The following SLC25A48 variants were observed in gnomAD, a reference collection of about 807,000 sequenced individuals.
SLC25A48 encodes CTC-321K16.1.
A neutral mutation model predicts 32.2 loss-of-function variants in SLC25A48; 29 were observed. The ratio of observed to expected loss-of-function variants is 0.90; its 90% CI spans 0.67 to 1.23. SLC25A48 has a LOEUF of 1.23. SLC25A48 is among the 50% of genes most tolerant of loss of function. The pLI, the probability that SLC25A48 is intolerant of heterozygous loss-of-function variation, is 0.00. For missense variants in SLC25A48, 399 were observed against 422.7 expected (o/e 0.94, Z 0.49); for synonymous variants, 164 against 172.3 (o/e 0.95, Z 0.38).
chr5:135,742,172 T>A (rs1343827053), intron 3 of SLC25A48, among the ~76,000 whole-genome samples: 1 of 152,206 alleles, frequency 6.6e-6, no homozygotes, highest in Non-Finnish European at 1.5e-5. Context: ...CTCTACCTCC[T>A]GGGCTCCAGT....
chr5:135,730,629 A>T (rs1287873025), intron 3 of SLC25A48, among the ~76,000 whole-genome samples: 6 of 152,246 alleles, frequency 3.9e-5, no homozygotes, highest in African/African-American at 1.4e-4. Context: ...ATGTGGAAGC[A>T]ACTTTGGAAC....
chr5:135,732,766 T>C (rs961581059), intron 3 of SLC25A48, among the ~76,000 whole-genome samples: 3 of 152,066 alleles, frequency 2.0e-5, no homozygotes, highest in East Asian at 1.9e-4. Flanking sequence ...TGGGAAGAGA[T>C]TGATAGGTGG....
intron 1 of SLC25A48, among the ~76,000 whole-genome samples, chr5:135,624,082 GAGCAC>G (rs1752388210): frequency 6.6e-6 from 1 of 152,190 alleles, no homozygotes; most frequent in Non-Finnish European, 1.5e-5. Context: ...TCCATGAAAT[GAGCAC>G]AAAGCCTGGT....
chr5:135,788,743 C>CCCCGCCACGATATGGTT (rs1756927676), intron 3 of SLC25A48, among the ~76,000 whole-genome samples: 1 of 150,112 alleles, frequency 6.7e-6, no homozygotes, highest in African/African-American at 2.5e-5. Context: ...GTACACCCCC[C>CCCCGCCACGATATGGTT]TGCCATACGA....
At chr5:135,747,871 G>A (rs530491356) in intron 3 of SLC25A48, among the ~76,000 whole-genome samples, 1 of 152,298 alleles carries the variant, frequency 6.6e-6, no homozygotes, top group Non-Finnish European at 1.5e-5. Context: ...TTTGGATGAG[G>A]AAACTGAGGC....
intron 6 of SLC25A48, 103 bp downstream of exon 6, chr5:135,874,257 G>C: frequency 3.1e-6 from 4 of 1,302,180 alleles, no homozygotes; most frequent in Non-Finnish European, 4.0e-6. Flanking sequence ...GGAGACCAGG[G>C]GGCTGCTGGT....
At chr5:135,673,888 TATGAGGTAAG>T (rs1753712055) in intron 3 of SLC25A48, among the ~76,000 whole-genome samples, 1 of 151,878 alleles carries the variant, frequency 6.6e-6, no homozygotes, top group African/African-American at 2.4e-5. Flanking sequence ...TTATATATGA[TATGAGGTAAG>T]ATGAGGTAAG....
intron 3 of SLC25A48, among the ~76,000 whole-genome samples, chr5:135,717,014 T>C (rs1754817096): frequency 6.6e-6 from 1 of 152,206 alleles, no homozygotes; most frequent in African/African-American, 2.4e-5. Flanking sequence ...TAGCTAAGAT[T>C]TTTTTTGCAA....
chr5:135,810,687 T>C (rs1464315784), intron 3 of SLC25A48, among the ~76,000 whole-genome samples: 1 of 152,182 alleles, frequency 6.6e-6, no homozygotes, highest in Non-Finnish European at 1.5e-5. Flanking sequence ...GTATTTTATA[T>C]TGCAAGTCCC....
At chr5:135,759,156 G>T (rs1410238042) in intron 3 of SLC25A48, among the ~76,000 whole-genome samples, 2 of 151,816 alleles carry the variant, frequency 1.3e-5, no homozygotes, top group African/African-American at 4.8e-5. Context: ...ACACATCTAT[G>T]ATATGAACAA....
At chr5:135,597,374 C>G (rs564321088) in intron 1 of SLC25A48, among the ~76,000 whole-genome samples, 2 of 152,274 alleles carry the variant, frequency 1.3e-5, no homozygotes, top group Admixed American at 1.3e-4. Context: ...AAGTCACCCT[C>G]CAGGTTAGGG....
intron 1 of SLC25A48, among the ~76,000 whole-genome samples, chr5:135,616,817 C>T (rs1215797197): frequency 6.6e-6 from 1 of 152,084 alleles, no homozygotes; most frequent in Non-Finnish European, 1.5e-5. Context: ...CGAACTAATA[C>T]AATAGTATAT....
chr5:135,653,202 G>A (rs1253415471), intron 3 of SLC25A48, among the ~76,000 whole-genome samples: 2 of 152,162 alleles, frequency 1.3e-5, no homozygotes. Flanking sequence ...CAGGTATCTT[G>A]TTATAACTGC....
chr5:135,866,183 C>G (rs1320383191), intron 4 of SLC25A48, among the ~76,000 whole-genome samples: 1 of 152,120 alleles, frequency 6.6e-6, no homozygotes, highest in Non-Finnish European at 1.5e-5. Context: ...TGCTGTGTTC[C>G]CTGTCCCACC....
chr5:135,656,371 C>T (rs1753248724), intron 3 of SLC25A48, among the ~76,000 whole-genome samples: 1 of 152,102 alleles, frequency 6.6e-6, no homozygotes, highest in African/African-American at 2.4e-5. Flanking sequence ...ATTTTTACAC[C>T]CAGATTGGGC....
rs145848487 is a variant in SLC25A48 at position 135,764,403 on chromosome 5, C to G, written c.-520-48120C>G. Among the ~76,000 whole-genome samples, 1,430 of 151,802 alleles carry G rather than the reference C, an allele frequency of 9.4e-3. 15 individuals carry two copies. Among genetic ancestry groups the G allele is most frequent in the Non-Finnish European group, 0.014 (964 of 67,916 alleles). ...CATATTGCAAAGGGTGTACAGCCCC[C>G]TGTGATATGGTTCGTAATATCCAGG... On this transcript the variant is annotated intron_variant, in intron 3 of 10. Coordinates refer to the SLC25A48 transcript ENST00000646290.
chr5:135,750,693 G>C (rs758411951), intron 3 of SLC25A48, among the ~76,000 whole-genome samples: 8 of 151,996 alleles, frequency 5.3e-5, no homozygotes, highest in Non-Finnish European at 1.2e-4. Context: ...CAGCAGCTGC[G>C]CCCCCAGGTG....
chr5:135,681,307 T>C (rs1253588318), intron 3 of SLC25A48, among the ~76,000 whole-genome samples: 1 of 152,220 alleles, frequency 6.6e-6, no homozygotes, highest in Non-Finnish European at 1.5e-5. Flanking sequence ...ATTTCTGTCT[T>C]CAAGTTCACT....
chr5:135,718,564 C>A (rs1198132218), intron 3 of SLC25A48, among the ~76,000 whole-genome samples: 1 of 152,148 alleles, frequency 6.6e-6, no homozygotes, highest in Admixed American at 6.5e-5. Flanking sequence ...GACTGTCACA[C>A]AGTAATAATG....
Sources: gnomAD v4.1 joint callset for allele counts (sites outside exome capture counted in the v4.1 genomes callset) on GRCh38, gnomAD v4.1.1 for gene constraint, MANE v1.5 for transcripts, NCBI Gene and HGNC (gene_info 2026-07-23, HGNC 2026-07-21) for gene names.